Variants in EIPR1 observed in about 807,000 individuals in gnomAD.
EIPR1 encodes EARP and GARP complex-interacting protein 1.
In EIPR1, 25 loss-of-function variants were observed where a neutral mutation model predicts 48.1. The observed-to-expected ratio is 0.52, with a 90% CI of 0.38 to 0.73. The LOEUF (loss-of-function observed/expected upper bound fraction) is 0.73. EIPR1 is among the 30% of genes least tolerant of loss of function. EIPR1 has a pLI of 0.00. For synonymous variants in EIPR1, 204 were observed against 201.9 expected (o/e 1.01, Z -0.09); for missense variants, 415 against 506.2 (o/e 0.82, Z 1.73).
At chr2:3,243,667 T>A (rs892652149) in intron 4 of EIPR1, among the ~76,000 whole-genome samples, 43 of 152,182 alleles carry the variant, frequency 2.8e-4, no homozygotes, top group African/African-American at 9.9e-4. Flanking sequence ...TTAAAAATTT[T>A]TTTTAAAAAT....
At position 3,264,565 on chromosome 2, in the gene EIPR1, G is replaced by GA. The variant is rs763590516; in HGVS notation, c.260-7111dup. 2.0e-4 allele frequency among the ~76,000 whole-genome samples: 31 copies of GA among 152,254 alleles called. No individual in the cohort carries two copies. The East Asian group carries it at 5.8e-3, about 28-fold the overall frequency. On this transcript the variant is annotated intron_variant, in intron 3 of 8. Transcript: ENST00000382125. ...GAGGCTTCCTCCGGGCAGGACAGATGAAAAAAGGGAACTGCAGTGGGTAGA... is the reference window on the plus strand; with the variant it reads ...GAGGCTTCCTCCGGGCAGGACAGATGAAAAAAAGGGAACTGCAGTGGGTAGA...
chr2:3,335,447 G>C (rs957433677), intron 3 of EIPR1, among the ~76,000 whole-genome samples: 10 of 152,014 alleles, frequency 6.6e-5, no homozygotes, highest in African/African-American at 2.4e-4. Flanking sequence ...GTTGTGCTGA[G>C]GCTGGTCCTG....
intron 1 of EIPR1, among the ~76,000 whole-genome samples, chr2:3,367,314 T>C (rs1487469453): frequency 1.3e-5 from 2 of 152,212 alleles, no homozygotes; most frequent in Non-Finnish European, 2.9e-5. Flanking sequence ...GAATGAATGA[T>C]GAATTTTCCA....
chr2:3,300,298 T>TC (rs1157855462), intron 3 of EIPR1, among the ~76,000 whole-genome samples: 1 of 152,218 alleles, frequency 6.6e-6, no homozygotes, highest in African/African-American at 2.4e-5. Context: ...ACATGTACTC[T>TC]CCTTTGTACC....
intron 3 of EIPR1, among the ~76,000 whole-genome samples, chr2:3,306,515 A>G (rs1172169585): frequency 6.6e-6 from 1 of 152,220 alleles, no homozygotes; most frequent in Non-Finnish European, 1.5e-5. Flanking sequence ...CTCCCCAAAA[A>G]CTTAACTACT....
chr2:3,354,561 A>G lies in EIPR1; in HGVS notation c.115T>C (p.Tyr39His), dbSNP rs1172465489. 1.7e-5 allele frequency: 27 copies of G among 1,614,076 alleles called. No individual in the cohort carries two copies. The highest frequency in any genetic ancestry group is 2.1e-5 in the Non-Finnish European group (25 of 1,179,964). The change falls in exon 2 of 9, where the codon TAT (tyrosine) becomes CAT (histidine). Residue 39 changes from tyrosine to histidine, a missense_variant. Coordinates refer to ENST00000382125, the MANE Select transcript of EIPR1 (RefSeq NM_003310.5). ...TCAAAAATAGTTACCTGATTATCAT[A>G]TTTAAGAGACTGCGTCCCAACCAAA... is the stretch of plus-strand genomic sequence containing the variant. Reference protein sequence around the residue: ...RFLVGTQSLKYDNQIHIIDFD... With the variant: ...RFLVGTQSLKHDNQIHIIDFD...
chr2:3,306,502 T>A (rs1388341611), intron 3 of EIPR1, among the ~76,000 whole-genome samples: 2 of 152,214 alleles, frequency 1.3e-5, no homozygotes, highest in African/African-American at 4.8e-5. Flanking sequence ...GTGTAACTTT[T>A]GGCTCCCCAA....
At chr2:3,295,981 A>C (rs1263355677) in intron 3 of EIPR1, among the ~76,000 whole-genome samples, 2 of 71,196 alleles carry the variant, frequency 2.8e-5, no homozygotes, top group African/African-American at 5.8e-5. Flanking sequence ...CTGCACACAC[A>C]CCCTCCATCC....
intron 3 of EIPR1, among the ~76,000 whole-genome samples, chr2:3,268,209 G>A (rs994730310): frequency 3.1e-4 from 47 of 151,954 alleles, no homozygotes; most frequent in African/African-American, 1.1e-3. Context: ...CACCAGCTCC[G>A]GGAGGCCTGG....
chr2:3,225,266 G>A (rs1666027198), intron 4 of EIPR1, among the ~76,000 whole-genome samples: 2 of 149,958 alleles, frequency 1.3e-5, no homozygotes, highest in African/African-American at 5.0e-5. Flanking sequence ...GTGTGTGTAT[G>A]ACAGGGTATT....
intron 3 of EIPR1, among the ~76,000 whole-genome samples, chr2:3,328,345 T>C (rs1669762811): frequency 6.6e-6 from 1 of 152,260 alleles, no homozygotes; most frequent in South Asian, 2.1e-4. Context: ...CTGGGTTCCC[T>C]GGATCAGAGC....
intron 3 of EIPR1, among the ~76,000 whole-genome samples, chr2:3,263,707 G>A (rs1010364069): frequency 3.3e-5 from 5 of 151,912 alleles, no homozygotes; most frequent in African/African-American, 9.7e-5. Context: ...TGCGGCCAGC[G>A]CCTTCCCCAG....
At chr2:3,342,121 T>C (rs1670269688) in intron 2 of EIPR1, among the ~76,000 whole-genome samples, 1 of 152,206 alleles carries the variant, frequency 6.6e-6, no homozygotes, top group African/African-American at 2.4e-5. Flanking sequence ...TTTGATTTTG[T>C]GAAATCTGCC....
intron 3 of EIPR1, among the ~76,000 whole-genome samples, chr2:3,290,982 C>A (rs775965809): frequency 6.6e-6 from 1 of 152,188 alleles, no homozygotes; most frequent in African/African-American, 2.4e-5. Flanking sequence ...TCACATTCCA[C>A]GGGCCAGCCC....
intron 4 of EIPR1, among the ~76,000 whole-genome samples, chr2:3,247,061 G>A (rs1572351933): frequency 3.1e-5 from 1 of 32,024 alleles, no homozygotes; most frequent in African/African-American, 1.7e-4. Context: ...GAGAGGGAGG[G>A]AGAGAGGGAG....
intron 4 of EIPR1, among the ~76,000 whole-genome samples, chr2:3,251,104 C>G (rs1202387330): frequency 6.6e-6 from 1 of 152,124 alleles, no homozygotes; most frequent in African/African-American, 2.4e-5. Context: ...TAAAAGCACC[C>G]CCAAGGGAGT....
chr2:3,279,121 G>A (rs1667944703), intron 3 of EIPR1, among the ~76,000 whole-genome samples: 1 of 152,122 alleles, frequency 6.6e-6, no homozygotes. Context: ...GTGACACACA[G>A]CACTTTAGGA....
intron 5 of EIPR1, among the ~76,000 whole-genome samples, chr2:3,202,093 A>T (rs1158107753): frequency 6.6e-6 from 1 of 151,932 alleles, no homozygotes; most frequent in Non-Finnish European, 1.5e-5. Context: ...GCCCGCCACC[A>T]CGCCCGGCTA....
intron 3 of EIPR1, among the ~76,000 whole-genome samples, chr2:3,275,831 C>T (rs942872864): frequency 6.6e-6 from 1 of 152,194 alleles, no homozygotes; most frequent in Admixed American, 6.5e-5. Context: ...GTTAAATTAT[C>T]TAGCTGCCAA....
Sources: allele counts gnomAD v4.1 joint callset (sites outside exome capture counted in the v4.1 genomes callset), GRCh38; gene constraint gnomAD v4.1.1; transcripts MANE v1.5; gene names NCBI Gene and HGNC (gene_info 2026-07-23, HGNC 2026-07-21).